The following TMEM117 variants were observed in gnomAD, a reference collection of about 807,000 sequenced individuals.
TMEM117 encodes transmembrane protein 117.
Under a neutral mutation model 52.4 loss-of-function variants are expected in TMEM117, and 27 were observed. That is an observed-to-expected ratio of 0.51 (90% CI 0.38 to 0.71). The LOEUF (loss-of-function observed/expected upper bound fraction) is 0.71. Among genes scored for constraint, TMEM117 ranks in the 30% least tolerant of loss-of-function variants. The pLI, the probability that TMEM117 is intolerant of heterozygous loss-of-function variation, is 0.00. For synonymous variants in TMEM117, 215 were observed against 206.3 expected, an observed-to-expected ratio of 1.04 and a Z score of -0.36; for missense variants, 556 against 630.5, an observed-to-expected ratio of 0.88 and a Z score of 1.26.
chr12:43,933,930 A>G (rs1944911683), intron 2 of TMEM117, among the ~76,000 whole-genome samples: 1 of 152,218 alleles, frequency 6.6e-6, no homozygotes, highest in Non-Finnish European at 1.5e-5. Flanking sequence ...GAATTATAAA[A>G]ATGGATTCAA....
chr12:44,249,624 G>A (rs1950173317), intron 5 of TMEM117, among the ~76,000 whole-genome samples: 1 of 152,140 alleles, frequency 6.6e-6, no homozygotes, highest in African/African-American at 2.4e-5. Context: ...AAACACCGTG[G>A]TACTGGTACC....
intron 6 of TMEM117, among the ~76,000 whole-genome samples, chr12:44,329,613 T>C (rs1327851218): frequency 1.3e-5 from 2 of 152,086 alleles, no homozygotes; most frequent in African/African-American, 4.8e-5. Flanking sequence ...TCTCCAGAAA[T>C]TTTTTATCTT....
chr12:44,009,338 C>T (rs575691558), intron 3 of TMEM117: 2 of 223,510 alleles, frequency 8.9e-6, no homozygotes, highest in East Asian at 3.2e-4. Flanking sequence ...GAGATGACAG[C>T]TTCACAGATA....
At chr12:44,107,253 A>G (rs1236783849) in intron 3 of TMEM117, among the ~76,000 whole-genome samples, 1 of 152,088 alleles carries the variant, frequency 6.6e-6, no homozygotes, top group African/African-American at 2.4e-5. Context: ...GATATGGGGC[A>G]AGGATTTGAA....
At chr12:44,039,571 T>C (rs141329534) in intron 3 of TMEM117, among the ~76,000 whole-genome samples, 265 of 152,092 alleles carry the variant, frequency 1.7e-3, no homozygotes, top group African/African-American at 6.0e-3. Flanking sequence ...AAATTTGTGA[T>C]AAAGTTACAG....
At chr12:43,855,319 G>A (rs2137383456) in intron 2 of TMEM117, among the ~76,000 whole-genome samples, 1 of 151,726 alleles carries the variant, frequency 6.6e-6, no homozygotes, top group South Asian at 2.1e-4. Context: ...CTGGAGTGCA[G>A]TGGTGTGATC....
chr12:44,013,359 T>C (rs1002739076), intron 3 of TMEM117, among the ~76,000 whole-genome samples: 5 of 152,262 alleles, frequency 3.3e-5, no homozygotes, highest in Non-Finnish European at 7.4e-5. Flanking sequence ...CTTGTGGCCC[T>C]GGGCTCTGAA....
intron 4 of TMEM117, among the ~76,000 whole-genome samples, chr12:44,177,130 G>A (rs1222135460): frequency 6.6e-6 from 1 of 152,088 alleles, no homozygotes; most frequent in Non-Finnish European, 1.5e-5. Context: ...TCATGTAGGG[G>A]CATTCAATTT....
chr12:44,182,279 A>G (rs1410945100), intron 4 of TMEM117, among the ~76,000 whole-genome samples: 1 of 152,146 alleles, frequency 6.6e-6, no homozygotes, highest in Non-Finnish European at 1.5e-5. Context: ...TTTTCTAGAT[A>G]TACAATCATG....
the TMEM117 span, chr12:43,806,082 C>A: frequency 6.6e-7 from 1 of 1,517,990 alleles, no homozygotes; most frequent in South Asian, 1.2e-5. Context: ...CGCGGAGAGG[C>A]GCCGAGGCCC....
At chr12:44,239,211 C>T (rs977349670) in intron 5 of TMEM117, among the ~76,000 whole-genome samples, 3 of 152,068 alleles carry the variant, frequency 2.0e-5, no homozygotes, top group Admixed American at 1.3e-4. Context: ...ATTTCATAAG[C>T]GTATCTTCTC....
At chr12:44,262,973 G>A (rs963696047) in intron 5 of TMEM117, among the ~76,000 whole-genome samples, 2 of 152,154 alleles carry the variant, frequency 1.3e-5, no homozygotes, top group East Asian at 1.9e-4. Flanking sequence ...CTCACAACCA[G>A]ACTTTGTTTT....
intron 3 of TMEM117, among the ~76,000 whole-genome samples, chr12:44,023,892 A>G (rs1359150986): frequency 1.3e-5 from 2 of 151,950 alleles, no homozygotes; most frequent in Non-Finnish European, 2.9e-5. Flanking sequence ...ACAGCACACC[A>G]ACATGGCACA....
the TMEM117 span, among the ~76,000 whole-genome samples, chr12:43,803,417 G>C: frequency 6.6e-6 from 1 of 152,120 alleles, no homozygotes. Context: ...TAAAATGCTT[G>C]AAGTAAATAA....
intron 2 of TMEM117, among the ~76,000 whole-genome samples, chr12:43,896,560 A>C (rs1165790644): frequency 6.6e-6 from 1 of 152,114 alleles, no homozygotes; most frequent in Admixed American, 6.5e-5. Context: ...AGGGTAGGCA[A>C]CCCCATGTTT....
intron 3 of TMEM117, among the ~76,000 whole-genome samples, chr12:44,031,300 G>C (rs1216243774): frequency 6.6e-6 from 1 of 152,176 alleles, no homozygotes; most frequent in East Asian, 1.9e-4. Flanking sequence ...GTGTGCCACA[G>C]AGGTAACCAA....
At position 44,227,374 on chromosome 12, in the gene TMEM117, A is replaced by G. The variant is rs140417404; in HGVS notation, c.608+15987A>G. Reference sequence around the variant, plus strand: ...AACTACTTGGGAGGCTGAGGTGAGCAGATCACTTGAGCCTTGGAGGTTGAG... The same window carrying G: ...AACTACTTGGGAGGCTGAGGTGAGCGGATCACTTGAGCCTTGGAGGTTGAG... On this transcript the variant is annotated intron_variant, in intron 5 of 7. Transcript: ENST00000266534. Among the ~76,000 whole-genome samples, 353 of 152,216 alleles carry G rather than the reference A, an allele frequency of 2.3e-3. 10 individuals are homozygous for G. In the East Asian group the frequency reaches 0.034, roughly 15 times the overall value.
chr12:43,996,439 C>G (rs533306560), intron 3 of TMEM117, among the ~76,000 whole-genome samples: 1 of 152,164 alleles, frequency 6.6e-6, no homozygotes, highest in Non-Finnish European at 1.5e-5. Flanking sequence ...GTCAGGAGAT[C>G]AAGACCACCC....
At chr12:44,207,706 C>G (rs1949588077) in intron 4 of TMEM117, among the ~76,000 whole-genome samples, 2 of 151,342 alleles carry the variant, frequency 1.3e-5, no homozygotes, top group Admixed American at 1.3e-4. Context: ...AACAACACAC[C>G]AATAATTATT....
Sources: allele counts gnomAD v4.1 joint callset (sites outside exome capture counted in the v4.1 genomes callset), GRCh38; gene constraint gnomAD v4.1.1; transcripts MANE v1.5; gene names NCBI Gene and HGNC (gene_info 2026-07-23, HGNC 2026-07-21).